Variants in ACTN1 observed in about 807,000 individuals in gnomAD.
The protein encoded by ACTN1 is actinin alpha 1.
In ACTN1, 30 loss-of-function variants were observed where a neutral mutation model predicts 119.6. The observed-to-expected ratio is 0.25, with a 90% CI of 0.19 to 0.34. The LOEUF is 0.34. Among genes scored for constraint, ACTN1 ranks in the 10% least tolerant of loss-of-function variants. The pLI, the probability that ACTN1 is intolerant of heterozygous loss-of-function variation, is 1.00. For missense variants in ACTN1, 764 were observed against 1,223.4 expected, an observed-to-expected ratio of 0.62 and a Z score of 5.60; for synonymous variants, 429 against 472.6, an observed-to-expected ratio of 0.91 and a Z score of 1.20.
chr14:68,978,974 G>A lies in ACTN1; in HGVS notation c.83C>T (p.Ala28Val). 1 of 1,599,598 alleles carries A rather than the reference G, an allele frequency of 6.3e-7. No homozygotes were observed. Among genetic ancestry groups the A allele is most frequent in the South Asian group, 1.1e-5 (1 of 89,178 alleles). The change falls in exon 1 of 22, where the codon GCC becomes GTC. Residue 28 changes from alanine (A) to valine (V), a missense_variant. Coordinates refer to ENST00000394419, the MANE Select transcript of ACTN1 (RefSeq NM_001130004.2). ...AACCTTTCTCTGCTGCTTCTCCCAGGCCGGGTCCAGGAGCAGGTCCCGGTC... is the reference window on the plus strand; with the variant it reads ...AACCTTTCTCTGCTGCTTCTCCCAGACCGGGTCCAGGAGCAGGTCCCGGTC... ...DWDRDLLLDP[A>V]WEKQQRKTFT...
intron 3 of ACTN1, among the ~76,000 whole-genome samples, 195 bp downstream of exon 3, chr14:68,920,811 G>A (rs138809676): frequency 6.6e-6 from 1 of 152,302 alleles, no homozygotes; most frequent in East Asian, 1.9e-4. Context: ...CCTTGGTTTT[G>A]GGCAGGGCTG....
intron 1 of ACTN1, among the ~76,000 whole-genome samples, chr14:68,945,081 G>A (rs1001267571): frequency 2.7e-5 from 4 of 150,070 alleles, no homozygotes; most frequent in East Asian, 2.0e-4. Context: ...TAGGAGAATC[G>A]CTTGAACCCA....
At chr14:68,962,606 C>T (rs529179652) in intron 1 of ACTN1, among the ~76,000 whole-genome samples, 2 of 152,206 alleles carry the variant, frequency 1.3e-5, no homozygotes, top group African/African-American at 2.4e-5. Context: ...ATGAAACTCT[C>T]GCCCAACCAT....
intron 1 of ACTN1, among the ~76,000 whole-genome samples, chr14:68,972,714 A>C (rs1418616354): frequency 6.6e-6 from 1 of 152,148 alleles, no homozygotes; most frequent in East Asian, 1.9e-4. Context: ...AAGGAGTGCA[A>C]ATGCTGGAGC....
intron 8 of ACTN1, among the ~76,000 whole-genome samples, chr14:68,899,025 CCACA>C (rs1009066703): frequency 1.5e-5 from 2 of 137,610 alleles, no homozygotes; most frequent in Admixed American, 7.0e-5. Context: ...CCACAGCACA[CCACA>C]CACACACACA....
rs375231183 is a variant in ACTN1, at chr14:68,890,183, T to A, written c.1190A>T (p.Glu397Val). ...RRLERLDHLA[E>V]KFRQKASIHE... ...GATGGAGGCCTTCTGCCGGAACTTC[T>A]CTGCCAGGTGGTCCAGTCGCTCCAG... is the stretch of plus-strand genomic sequence containing the variant. Residue 397 changes from glutamate to valine, a missense_variant, in exon 11 of 22, where the codon GAG (glutamate) becomes GTG (valine). Coordinates refer to ENST00000394419, the MANE Select transcript of ACTN1 (RefSeq NM_001130004.2). The A allele has an allele frequency of 1.9e-6, 3 of 1,614,078 alleles. No homozygotes were observed. Among genetic ancestry groups the A allele is most frequent in the African/African-American group, 2.7e-5 (2 of 74,924 alleles).
In ACTN1 at chr14:68,882,748, TG is replaced by T; in HGVS notation, c.1818+124del. On this transcript the variant is annotated intron_variant, in intron 15 of 21. Transcript: ENST00000394419. This position sits in a 1 kb window ranked among gnomAD's most constrained non-coding sequence, Gnocchi z 4.5. ...TCTGGAAACCCAGTCATTTGACATTTGGACAAACAATGAGTGTTTACTATAT... is the reference window on the plus strand; with the variant it reads ...TCTGGAAACCCAGTCATTTGACATTTGACAAACAATGAGTGTTTACTATAT... The T allele has an allele frequency of 6.6e-7, 1 of 1,507,994 alleles. No individual in the cohort carries two copies. Among genetic ancestry groups the T allele is most frequent in the Non-Finnish European group, 9.0e-7 (1 of 1,109,236 alleles). 93.4% of individuals were successfully genotyped at this position (1,507,994 alleles called of 1,614,324 possible).
In ACTN1 at chr14:68,874,992, C is replaced by T. The variant is rs371440985; in HGVS notation, c.2612G>A (p.Arg871His). ...AGCCTGGTCGGGTGGCAGCTCGCGG[C>T]GCAGCTCGTCCATGGTAATGTAGTT... ...DKNYITMDELRRELPPDQAEY... is the reference protein window; with the variant it reads ...DKNYITMDELHRELPPDQAEY... Residue 871 changes from arginine (R) to histidine (H), a missense_variant, in exon 22 of 22, where the codon CGC becomes CAC. By Grantham distance (29) the Arg-to-His change is conservative (BLOSUM62 0). This residue lies in a region of ACTN1 where 102 missense variants were observed against 78.2 expected (regional missense o/e 1.30). Transcript: ENST00000394419. The T allele has an allele frequency of 4.6e-5, 75 of 1,613,584 alleles. No homozygotes were observed. The African/African-American group carries it at 8.3e-4, about 18-fold the overall frequency.
At position 68,909,278 on chromosome 14, in the gene ACTN1, G is replaced by T; in HGVS notation, c.594+40C>A. The T allele has an allele frequency of 1.9e-6, 3 of 1,601,976 alleles. No individual in the cohort carries two copies. Among genetic ancestry groups the T allele is most frequent in the Non-Finnish European group, 2.6e-6 (3 of 1,170,150 alleles). On this transcript the variant is annotated intron_variant, in intron 6 of 21. Coordinates refer to ENST00000394419, the MANE Select transcript of ACTN1 (RefSeq NM_001130004.2). This position sits in a 1 kb window ranked among gnomAD's most constrained non-coding sequence, Gnocchi z 4.1. ...GTCCTGCTCTTTTCCCACCCCACCT[G>T]CCAGGGACCCAAAGCGGGTGGTCAG... is the stretch of plus-strand genomic sequence containing the variant.
rs961214702 is a variant in ACTN1 at position 68,947,937 on chromosome 14, C to T, written c.106-22265G>A. 2.6e-5 allele frequency among the ~76,000 whole-genome samples: 4 copies of T among 152,184 alleles called. No homozygotes were observed. The East Asian group carries it at 5.8e-4, about 22-fold the overall frequency. On this transcript the variant is annotated intron_variant, in intron 1 of 21. Coordinates refer to ENST00000394419, the MANE Select transcript of ACTN1 (RefSeq NM_001130004.2). ...GTATCTGGAATGAAGCCCAAGGCACCGCCCTCATCACACACGCACATAATC... is the reference window on the plus strand; with the variant it reads ...GTATCTGGAATGAAGCCCAAGGCACTGCCCTCATCACACACGCACATAATC...
intron 1 of ACTN1, among the ~76,000 whole-genome samples, chr14:68,941,138 C>T (rs2035751450): frequency 6.6e-6 from 1 of 152,196 alleles, no homozygotes; most frequent in South Asian, 2.1e-4. Flanking sequence ...CATGAAGCCC[C>T]TGAAGAGCAG....
chr14:68,910,849 T>G (rs1045012213), intron 4 of ACTN1, among the ~76,000 whole-genome samples: 2 of 152,200 alleles, frequency 1.3e-5, no homozygotes, highest in Admixed American at 6.5e-5. Flanking sequence ...CCCCTTTCAC[T>G]TGGCTCTCAT....
chr14:68,885,736 C>T lies in ACTN1; in HGVS notation c.1235-161G>A. ...GCAGGGTGCAAAAGCAGATGTGCAA[C>T]TAGAACATCCACCAACCGGCGCAAC... is the stretch of plus-strand genomic sequence containing the variant. On this transcript the variant is annotated intron_variant, in intron 11 of 21. Transcript: ENST00000394419. The surrounding 1 kb of genome is among the most constrained non-coding windows in gnomAD (Gnocchi z 5.6). 1 of 788,406 alleles carries T rather than the reference C, an allele frequency of 1.3e-6. No individual in the cohort carries two copies. The highest frequency in any genetic ancestry group is 2.0e-6 in the Non-Finnish European group (1 of 508,268). 48.8% of individuals were successfully genotyped at this position (788,406 alleles called of 1,614,324 possible).
intron 1 of ACTN1, among the ~76,000 whole-genome samples, chr14:68,932,887 C>T (rs1479316523): frequency 1.3e-5 from 2 of 150,408 alleles, no homozygotes; most frequent in Non-Finnish European, 2.9e-5. Flanking sequence ...AAATTCACCC[C>T]TCAGTTCCTC....
chr14:68,934,975 T>A (rs899192835), intron 1 of ACTN1, among the ~76,000 whole-genome samples: 1 of 152,088 alleles, frequency 6.6e-6, no homozygotes, highest in Non-Finnish European at 1.5e-5. Context: ...CTGATTAGGA[T>A]TTTTTGCTGT....
At chr14:68,937,793 C>A (rs2035594738) in intron 1 of ACTN1, among the ~76,000 whole-genome samples, 1 of 152,254 alleles carries the variant, frequency 6.6e-6, no homozygotes, top group Non-Finnish European at 1.5e-5. Context: ...CAAAAACAAA[C>A]TCACCAGCCT....
chr14:68,902,280 TGAGA>T (rs554835633), intron 8 of ACTN1, among the ~76,000 whole-genome samples, 193 bp downstream of exon 8: 2 of 151,860 alleles, frequency 1.3e-5, no homozygotes, highest in African/African-American at 4.8e-5. Context: ...CAGTAGAAGA[TGAGA>T]GAGAGAGGTG....
Position 68,879,928 on chromosome 14 carries a change from G to A in ACTN1, c.2280+34C>T. On this transcript the variant is annotated intron_variant, in intron 18 of 21. Coordinates refer to ENST00000394419, the MANE Select transcript of ACTN1 (RefSeq NM_001130004.2). The surrounding 1 kb of genome is among the most constrained non-coding windows in gnomAD (Gnocchi z 4.9). ...CAGGGCCCTGGGGCAGGGGTTGGGG[G>A]CTGCACTAAGAAAGCACAGGATGGG... is the stretch of plus-strand genomic sequence containing the variant. The A allele has an allele frequency of 6.2e-7, 1 of 1,609,300 alleles. No homozygotes were observed.
chr14:68,977,833 A>C (rs2037116175), intron 1 of ACTN1: 3 of 390,092 alleles, frequency 7.7e-6, no homozygotes, highest in African/African-American at 2.1e-5. Context: ...TTCCCAGATC[A>C]GCCTGGGGGT....
Sources: allele counts gnomAD v4.1 joint callset (sites outside exome capture counted in the v4.1 genomes callset), GRCh38; gene constraint gnomAD v4.1.1; regional missense constraint gnomAD v4.1.1; non-coding constraint Gnocchi (gnomAD v3.1); transcripts MANE v1.5; gene names NCBI Gene and HGNC (gene_info 2026-07-23, HGNC 2026-07-21).